SCGN: variants seen among roughly 807,000 people sequenced by gnomAD.
SCGN encodes secretagogin.
In SCGN, 30 loss-of-function variants were observed where a neutral mutation model predicts 39.7. That is an observed-to-expected ratio of 0.76 (90% CI 0.57 to 1.03). The LOEUF is 1.03. Ranked by LOEUF, SCGN falls within the 50% of genes least tolerant of loss-of-function variation. SCGN has a pLI of 0.00. For missense variants in SCGN, 353 were observed against 349.4 expected (o/e 1.01, Z -0.08); for synonymous variants, 106 against 114.1 (o/e 0.93, Z 0.45).
At chr6:25,671,952 G>T (rs959588977) in intron 6 of SCGN, among the ~76,000 whole-genome samples, 38 of 152,188 alleles carry the variant, frequency 2.5e-4, no homozygotes, top group African/African-American at 9.2e-4. Flanking sequence ...GCCAGTATTT[G>T]TTTGACTATC....
chr6:25,689,361 G>T lies in SCGN; in HGVS notation c.574-112G>T, dbSNP rs80343450. The T allele has an allele frequency of 8.1e-4, 946 of 1,172,902 alleles. 11 individuals carry two copies. In the East Asian group the frequency reaches 0.02, roughly 25 times the overall value. The allele number at this position is 1,172,902 out of a possible 1,614,324, so 72.7% of individuals were successfully genotyped here. A position where few individuals can be genotyped will look rare whatever the true frequency, so the allele number is the denominator to read the frequency against. ...GACAAGGATCAGCATGGAATCAAGG[G>T]ATCTTAAAGGTCATTGACTCAAAGT... On this transcript the variant is annotated intron_variant, in intron 8 of 10. Coordinates refer to ENST00000377961, the MANE Select transcript of SCGN (RefSeq NM_006998.4).
intron 7 of SCGN, among the ~76,000 whole-genome samples, chr6:25,684,780 A>G (rs1759682612): frequency 6.6e-6 from 1 of 152,198 alleles, no homozygotes; most frequent in African/African-American, 2.4e-5. Flanking sequence ...ACAGTACTCT[A>G]GTTAGGTGAC....
At chr6:25,654,545 T>C (rs1348323162) in intron 2 of SCGN, among the ~76,000 whole-genome samples, 3 of 152,214 alleles carry the variant, frequency 2.0e-5, no homozygotes, top group Non-Finnish European at 4.4e-5. Flanking sequence ...CTGACCTCTC[T>C]GTTGCCCATC....
At chr6:25,697,405 G>T (rs1049196129) in intron 10 of SCGN, among the ~76,000 whole-genome samples, 4 of 152,190 alleles carry the variant, frequency 2.6e-5, no homozygotes, top group African/African-American at 9.7e-5. Flanking sequence ...TTTTAAGTGG[G>T]TTACAATAAA....
At chr6:25,660,354 A>G (rs971484522) in intron 2 of SCGN, among the ~76,000 whole-genome samples, 1 of 152,210 alleles carries the variant, frequency 6.6e-6, no homozygotes, top group African/African-American at 2.4e-5. Flanking sequence ...GATGCCTTCC[A>G]CCAGCCTGTG....
intron 6 of SCGN, among the ~76,000 whole-genome samples, chr6:25,681,105 A>G (rs2151380855): frequency 6.6e-6 from 1 of 152,318 alleles, no homozygotes; most frequent in South Asian, 2.1e-4. Context: ...GCCCAAACCA[A>G]TCTGGTCTTT....
chr6:25,669,646 G>T, intron 5 of SCGN, 79 bp downstream of exon 5: 1 of 1,195,708 alleles, frequency 8.4e-7, no homozygotes, highest in African/African-American at 1.5e-5. Context: ...TGATTTCTGT[G>T]GGCCCAAGAA....
rs963254921 is a variant in SCGN at position 25,661,643 on chromosome 6, A to T, written c.245A>T (p.Glu82Val). 1.9e-6 allele frequency: 3 copies of T among 1,606,092 alleles called. No individual in the cohort carries two copies. The highest frequency in any genetic ancestry group is 2.6e-6 in the Non-Finnish European group (3 of 1,172,912). The change falls in exon 3 of 11, where the codon GAG becomes GTG. Residue 82 changes from glutamate (E) to valine (V), a missense_variant and splice_region_variant. Transcript: ENST00000377961. ...AAAGATGGTCGCATTCGGATGAAAG[A>T]GGTAACTTTACTGACAGTATTTTTC... ...ASKDGRIRMK[E>V]LAGMFLSEDE...
intron 4 of SCGN, among the ~76,000 whole-genome samples, 165 bp downstream of exon 4, chr6:25,665,197 A>G (rs933370726): frequency 3.9e-5 from 6 of 152,174 alleles, no homozygotes; most frequent in African/African-American, 7.2e-5. Context: ...CTTTGGTCCC[A>G]AACCCCAGTG....
At chr6:25,700,453 G>A (rs1337317196) in intron 10 of SCGN, among the ~76,000 whole-genome samples, 1 of 152,106 alleles carries the variant, frequency 6.6e-6, no homozygotes, top group East Asian at 1.9e-4. Flanking sequence ...CCAATTGTCA[G>A]AGGACTGTTG....
chr6:25,662,490 G>C (rs530612469), intron 3 of SCGN, among the ~76,000 whole-genome samples: 2 of 152,100 alleles, frequency 1.3e-5, no homozygotes, highest in Non-Finnish European at 2.9e-5. Flanking sequence ...TTTTTTCATA[G>C]TCAAAATTGC....
intron 5 of SCGN, 26 bp downstream of exon 5, chr6:25,669,593 G>T: frequency 4.4e-6 from 7 of 1,600,834 alleles, no homozygotes; most frequent in Admixed American, 1.7e-5. Flanking sequence ...TGAAGGGTGG[G>T]TTTGTTTATC....
intron 2 of SCGN, among the ~76,000 whole-genome samples, chr6:25,655,090 C>T (rs547820671): frequency 9.2e-5 from 14 of 152,308 alleles, no homozygotes; most frequent in African/African-American, 3.1e-4. Flanking sequence ...TAAGGTTCAT[C>T]GTGTTCCAGA....
At chr6:25,667,836 T>C (rs192183941) in intron 4 of SCGN, among the ~76,000 whole-genome samples, 14 of 152,310 alleles carry the variant, frequency 9.2e-5, no homozygotes, top group Non-Finnish European at 8.8e-5. Context: ...GGCTCAGCTG[T>C]AGTAAAACTA....
At chr6:25,671,618 AG>A (rs1759498958) in intron 6 of SCGN, among the ~76,000 whole-genome samples, 1 of 152,106 alleles carries the variant, frequency 6.6e-6, no homozygotes, top group Non-Finnish European at 1.5e-5. Context: ...GGAAATCCTG[AG>A]TAAATATGTG....
At chr6:25,681,389 A>G (rs879271304) in intron 6 of SCGN, among the ~76,000 whole-genome samples, 1 of 152,186 alleles carries the variant, frequency 6.6e-6, no homozygotes, top group Non-Finnish European at 1.5e-5. Flanking sequence ...CCTTGACTCA[A>G]ACCAAGTACC....
chr6:25,664,356 G>C (rs575102811), intron 3 of SCGN, among the ~76,000 whole-genome samples: 7 of 152,172 alleles, frequency 4.6e-5, no homozygotes, highest in Non-Finnish European at 8.8e-5. Context: ...GATTAAAAGT[G>C]TGGGCTTGAG....
chr6:25,652,500 C>A lies in SCGN; in HGVS notation c.82+15C>A, dbSNP rs748071152. Reference sequence around the variant, plus strand: ...TGATGCGGATGGTGAGTAGAACAAGCCACTTGCACACTCAGGTGTAGACGT... The same window carrying A: ...TGATGCGGATGGTGAGTAGAACAAGACACTTGCACACTCAGGTGTAGACGT... On this transcript the variant is annotated intron_variant, in intron 1 of 10. Transcript: ENST00000377961. 1 of 1,612,164 alleles carries A rather than the reference C, an allele frequency of 6.2e-7. No individual in the cohort carries two copies. Among genetic ancestry groups the A allele is most frequent in the Non-Finnish European group, 8.5e-7 (1 of 1,178,686 alleles).
At chr6:25,681,430 T>A (rs1759635736) in intron 6 of SCGN, among the ~76,000 whole-genome samples, 2 of 152,220 alleles carry the variant, frequency 1.3e-5, no homozygotes, top group Admixed American at 1.3e-4. Context: ...TTTATAAAAA[T>A]CCTGTTTTGC....
Sources: allele counts gnomAD v4.1 joint callset (sites outside exome capture counted in the v4.1 genomes callset), GRCh38; gene constraint gnomAD v4.1.1; transcripts MANE v1.5; gene names NCBI Gene and HGNC (gene_info 2026-07-23, HGNC 2026-07-21).